The following PCDHAC1 variants were observed in gnomAD, a reference collection of about 807,000 sequenced individuals.
The protein encoded by PCDHAC1 is protocadherin alpha subfamily C, 1.
In PCDHAC1, 42 loss-of-function variants were observed where a neutral mutation model predicts 60.0. The ratio of observed to expected loss-of-function variants is 0.70; its 90% CI spans 0.55 to 0.90. The LOEUF is 0.90. Ranked by LOEUF, PCDHAC1 falls within the 40% of genes least tolerant of loss-of-function variation. PCDHAC1 has a pLI of 0.00. For missense variants in PCDHAC1, 1,160 were observed against 1,222.3 expected (o/e 0.95, Z 0.76); for synonymous variants, 468 against 499.3 (o/e 0.94, Z 0.84).
At chr5:140,998,130 A>C (rs1226238554) in intron 3 of PCDHAC1, among the ~76,000 whole-genome samples, 1 of 152,206 alleles carries the variant, frequency 6.6e-6, no homozygotes, top group Non-Finnish European at 1.5e-5. Context: ...GAATCATAAT[A>C]GCTAACCTGT....
chr5:140,932,593 A>G (rs1347990722), intron 1 of PCDHAC1, among the ~76,000 whole-genome samples: 1 of 151,922 alleles, frequency 6.6e-6, no homozygotes, highest in African/African-American at 2.4e-5. Flanking sequence ...GATGTTTTGT[A>G]TATCTATTTT....
chr5:140,995,543 G>A (rs1243799532), intron 3 of PCDHAC1, among the ~76,000 whole-genome samples: 1 of 152,144 alleles, frequency 6.6e-6, no homozygotes, highest in Non-Finnish European at 1.5e-5. Context: ...AATAAGGGGC[G>A]ATCACTGTAC....
At chr5:141,005,627 G>A (rs1051972778) in intron 3 of PCDHAC1, among the ~76,000 whole-genome samples, 1 of 148,378 alleles carries the variant, frequency 6.7e-6, no homozygotes, top group Non-Finnish European at 1.5e-5. Flanking sequence ...GCGTGAACCC[G>A]GGAGGCGGAG....
At chr5:140,998,295 A>G (rs2097805023) in intron 3 of PCDHAC1, among the ~76,000 whole-genome samples, 1 of 152,206 alleles carries the variant, frequency 6.6e-6, no homozygotes, top group Non-Finnish European at 1.5e-5. Context: ...CAGATCACAC[A>G]TTTAGTAAGG....
intron 1 of PCDHAC1, among the ~76,000 whole-genome samples, chr5:140,941,561 C>T (rs782382112): frequency 2.1e-4 from 32 of 151,880 alleles, no homozygotes; most frequent in Middle Eastern, 3.2e-3. Context: ...GTGATCCATT[C>T]GCCTCAGCCT....
rs114173550 is a variant in PCDHAC1, at chr5:140,996,928, G to T, written c.2582-12699G>T. Among the ~76,000 whole-genome samples the T allele has an allele frequency of 1.8e-3, 279 of 152,148 alleles. 1 individual carries two copies. Among genetic ancestry groups the T allele is most frequent in the Non-Finnish European group, 3.0e-3 (203 of 67,996 alleles). ...GTTGAAGTAAATATTAAAAAATATA[G>T]CATTTTTGCATAGAAATATTTATTT... On this transcript the variant is annotated intron_variant, in intron 3 of 3. Coordinates refer to ENST00000253807, the MANE Select transcript of PCDHAC1 (RefSeq NM_018898.5).
rs372774238 is a variant in PCDHAC1 at position 140,927,894 on chromosome 5, C to T, written c.1002C>T (p.Asn334=). The T allele has an allele frequency of 1.2e-6, 2 of 1,614,208 alleles. No individual in the cohort carries two copies. The highest frequency in any genetic ancestry group is 2.2e-5 in the South Asian group (2 of 91,088). ...AKLLVEVTDV[N]DHAPELDFLT... ...TGCTGGTGGAGGTGACTGACGTGAA[C>T]GATCATGCCCCCGAACTGGACTTCC... Residue 334 remains asparagine (N), a synonymous_variant, in exon 1 of 4, where the codon AAC becomes AAT. Transcript: ENST00000253807.
intron 2 of PCDHAC1, among the ~76,000 whole-genome samples, chr5:140,979,920 C>T (rs1554241253): frequency 6.6e-6 from 1 of 152,206 alleles, no homozygotes; most frequent in Non-Finnish European, 1.5e-5. Flanking sequence ...AAGAGAAAGC[C>T]TACAAAGTAT....
At chr5:141,009,295 A>T (rs782350734) in intron 3 of PCDHAC1, among the ~76,000 whole-genome samples, 13 of 152,030 alleles carry the variant, frequency 8.6e-5, no homozygotes, top group Admixed American at 3.9e-4. Context: ...TTTCTATAAA[A>T]TTTTTTTTAA....
At chr5:140,986,950 A>C (rs1161887732) in intron 3 of PCDHAC1, among the ~76,000 whole-genome samples, 1 of 152,164 alleles carries the variant, frequency 6.6e-6, no homozygotes, top group Admixed American at 6.5e-5. Flanking sequence ...GTGGTCGCTC[A>C]TGCCTGTAAT....
chr5:140,992,798 CAT>C (rs1554253202), intron 3 of PCDHAC1, among the ~76,000 whole-genome samples: 1 of 152,076 alleles, frequency 6.6e-6, no homozygotes, highest in African/African-American at 2.4e-5. Context: ...TTTATGGATC[CAT>C]ATGTATCTAA....
chr5:141,006,689 G>A (rs1249412460), intron 3 of PCDHAC1, among the ~76,000 whole-genome samples: 2 of 152,072 alleles, frequency 1.3e-5, no homozygotes, highest in Non-Finnish European at 2.9e-5. Context: ...TGGGAGAAGA[G>A]GACAGAGTCA....
chr5:140,956,186 T>C (rs1305769419), intron 1 of PCDHAC1, among the ~76,000 whole-genome samples: 1 of 152,204 alleles, frequency 6.6e-6, no homozygotes, highest in Non-Finnish European at 1.5e-5. Context: ...AATACTATGC[T>C]GAATAGGAGT....
rs2084465821 is a variant in PCDHAC1 at position 140,927,650 on chromosome 5, TC to T, written c.760del (p.Arg254GlufsTer19). The T allele has an allele frequency of 6.2e-7, 1 of 1,614,080 alleles. No homozygotes were observed. Among genetic ancestry groups the T allele is most frequent in the Admixed American group, 1.7e-5 (1 of 60,008 alleles). Reference protein sequence around the residue: ...PETAPNGTVLFRVQALDPDEG... With the variant: ...PETAPNGTVLXRVQALDPDEG... ...ACTGCACCCAATGGGACTGTGTTAT[TC>T]CGAGTTCAAGCCTTGGATCCAGATG... On this transcript the variant is annotated frameshift_variant, in exon 1 of 4. Transcript: ENST00000253807. LOFTEE classifies it high-confidence loss of function.
At chr5:140,931,440 AT>A (rs2153608083) in intron 1 of PCDHAC1, among the ~76,000 whole-genome samples, 1 of 141,482 alleles carries the variant, frequency 7.1e-6, no homozygotes, top group South Asian at 2.3e-4. Flanking sequence ...AAAATTAGCT[AT>A]TTAAAAGGAA....
chr5:140,949,992 G>A (rs2094439293), intron 1 of PCDHAC1, among the ~76,000 whole-genome samples: 1 of 151,522 alleles, frequency 6.6e-6, no homozygotes, highest in African/African-American at 2.4e-5. Flanking sequence ...ACTTTTCTCA[G>A]TCCACTTAAT....
chr5:140,927,565 G>A lies in PCDHAC1; in HGVS notation c.673G>A (p.Asp225Asn). 6.2e-7 allele frequency: 1 copy of A among 1,614,186 alleles called. No individual in the cohort carries two copies. The highest frequency in any genetic ancestry group is 8.5e-7 in the Non-Finnish European group (1 of 1,180,044). Reference protein sequence around the residue: ...GDAQVTIIVVDTNDNAPVFER... With the variant: ...GDAQVTIIVVNTNDNAPVFER... ...CGCACAAGTCACCATCATTGTGGTG[G>A]ACACAAATGACAACGCGCCTGTATT... Residue 225 changes from aspartate (D) to asparagine (N), a missense_variant, in exon 1 of 4, where the codon GAC (aspartate) becomes AAC (asparagine). Physicochemically the swap from Asp to Asn is conservative, Grantham distance 23 (BLOSUM62 1). This residue lies in a region of PCDHAC1 where 1,113 missense variants were observed against 1,163.7 expected (regional missense o/e 0.96). Coordinates refer to ENST00000253807, the MANE Select transcript of PCDHAC1 (RefSeq NM_018898.5).
At chr5:140,967,702 C>T (rs1563368615) in intron 1 of PCDHAC1, 3 of 1,614,162 alleles carry the variant, frequency 1.9e-6, no homozygotes, top group Middle Eastern at 3.3e-4. Flanking sequence ...GCATAGATGC[C>T]AGTACCGGGG....
rs1554204719 is a variant in PCDHAC1, at chr5:140,927,550, A to G, written c.658A>G (p.Thr220Ala). 4.3e-6 allele frequency: 7 copies of G among 1,614,020 alleles called. No homozygotes were observed. In the Admixed American group the frequency reaches 8.3e-5, roughly 19 times the overall value. ...LPARSGDAQV[T>A]IIVVDTNDNA... is the part of the protein sequence containing the mutation. ...TGCCCGCTCAGGAGACGCACAAGTC[A>G]CCATCATTGTGGTGGACACAAATGA... Residue 220 changes from threonine to alanine, a missense_variant, in exon 1 of 4, where the codon ACC (threonine) becomes GCC (alanine). Coordinates refer to ENST00000253807, the MANE Select transcript of PCDHAC1 (RefSeq NM_018898.5).
Sources: gnomAD v4.1 joint callset for allele counts (sites outside exome capture counted in the v4.1 genomes callset) on GRCh38, gnomAD v4.1.1 for gene constraint, gnomAD v4.1.1 regional missense constraint, MANE v1.5 for transcripts, NCBI Gene and HGNC (gene_info 2026-07-23, HGNC 2026-07-21) for gene names.